NRXN1: variants seen among roughly 807,000 people sequenced by gnomAD.
NRXN1 encodes the protein neurexin 1.
In NRXN1, 39 loss-of-function variants were observed where a neutral mutation model predicts 150.9. The observed-to-expected ratio is 0.26, with a 90% CI of 0.20 to 0.34. NRXN1 has a LOEUF of 0.34. Ranked by LOEUF, NRXN1 falls within the 10% of genes least tolerant of loss-of-function variation. The pLI is 1.00. For synonymous variants in NRXN1, 924 were observed against 757.0 expected, an observed-to-expected ratio of 1.22 and a Z score of -3.62; for missense variants, 1,815 against 1,949.9, an observed-to-expected ratio of 0.93 and a Z score of 1.30.
At chr2:50,237,621 T>A (rs1191002413) in intron 17 of NRXN1, among the ~76,000 whole-genome samples, 2 of 151,808 alleles carry the variant, frequency 1.3e-5, no homozygotes, top group South Asian at 2.1e-4. Context: ...ACCCACATCC[T>A]CTGCCACCCC....
At position 50,928,467 on chromosome 2, in the gene NRXN1, G is replaced by A. The variant is rs142761880; in HGVS notation, c.773-2512C>T. ...AAATCCCTACATTATTTCAGAATTT[G>A]GACGTGATTATAACTGGTGGTAGCT... is the stretch of plus-strand genomic sequence containing the variant. On this transcript the variant is annotated intron_variant, in intron 2 of 22. Transcript: ENST00000401669. Among the ~76,000 whole-genome samples, 44 of 152,032 alleles carry A rather than the reference G, an allele frequency of 2.9e-4. 1 individual carries two copies. The East Asian group carries it at 8.6e-3, about 30-fold the overall frequency.
intron 2 of NRXN1, among the ~76,000 whole-genome samples, chr2:50,954,107 A>G (rs1691874336): frequency 6.6e-6 from 1 of 152,166 alleles, no homozygotes; most frequent in Admixed American, 6.5e-5. Context: ...TAATGAAGTT[A>G]ATCACTACTT....
chr2:50,163,367 G>A (rs770872423), intron 18 of NRXN1, among the ~76,000 whole-genome samples: 32 of 151,846 alleles, frequency 2.1e-4, no homozygotes, highest in African/African-American at 3.1e-4. Flanking sequence ...TAAATTACCC[G>A]CGCAAAACAA....
intron 18 of NRXN1, among the ~76,000 whole-genome samples, chr2:50,186,341 TA>T (rs2061070043): frequency 6.6e-6 from 1 of 152,088 alleles, no homozygotes; most frequent in Non-Finnish European, 1.5e-5. Flanking sequence ...CTAAAGCTTG[TA>T]AATTGTCAAA....
chr2:50,529,329 T>A (rs2093038666), intron 11 of NRXN1, among the ~76,000 whole-genome samples: 2 of 152,278 alleles, frequency 1.3e-5, no homozygotes, highest in South Asian at 4.1e-4. Context: ...AGCCTATGCC[T>A]CTCTTAGGAG....
chr2:50,239,458 A>C (rs76453065), intron 17 of NRXN1, among the ~76,000 whole-genome samples: 2,695 of 146,782 alleles, frequency 0.018, 71 homozygotes, highest in African/African-American at 0.064. Flanking sequence ...ATTATAAAAC[A>C]ACATTGCATA....
At chr2:50,101,964 T>C (rs1287878441) in intron 18 of NRXN1, among the ~76,000 whole-genome samples, 1 of 152,014 alleles carries the variant, frequency 6.6e-6, no homozygotes, top group Non-Finnish European at 1.5e-5. Context: ...CTCTTTCTTA[T>C]TGACTTCTAG....
At chr2:50,724,294 A>G (rs1464651637) in intron 5 of NRXN1, among the ~76,000 whole-genome samples, 2 of 152,188 alleles carry the variant, frequency 1.3e-5, no homozygotes, top group Non-Finnish European at 2.9e-5. Context: ...AAGATGATGA[A>G]ATATTCCTGG....
intron 15 of NRXN1, among the ~76,000 whole-genome samples, chr2:50,494,095 A>T (rs920605714): frequency 3.9e-5 from 6 of 152,208 alleles, no homozygotes; most frequent in Admixed American, 3.9e-4. Context: ...TTAATGAAAA[A>T]TAAGCAGATA....
At chr2:50,050,680 A>G (rs1692575552) in intron 21 of NRXN1, among the ~76,000 whole-genome samples, 1 of 152,054 alleles carries the variant, frequency 6.6e-6, no homozygotes, top group Admixed American at 6.6e-5. Flanking sequence ...CCTGGTTTAA[A>G]TATTACTGTA....
At chr2:50,966,567 C>T (rs1403164158) in intron 2 of NRXN1, among the ~76,000 whole-genome samples, 1 of 151,652 alleles carries the variant, frequency 6.6e-6, no homozygotes, top group Non-Finnish European at 1.5e-5. Context: ...ATTAGAAAGG[C>T]ATTCTACACT....
chr2:50,433,327 T>A (rs2085137275), intron 17 of NRXN1, among the ~76,000 whole-genome samples: 1 of 152,222 alleles, frequency 6.6e-6, no homozygotes, highest in Non-Finnish European at 1.5e-5. Context: ...TCAATAAACA[T>A]TTCTTGAAAT....
intron 5 of NRXN1, among the ~76,000 whole-genome samples, chr2:50,766,036 A>C (rs1032568788): frequency 2.6e-5 from 4 of 152,196 alleles, no homozygotes; most frequent in Admixed American, 6.6e-5. Context: ...ATTAGAGCTC[A>C]TGTACTACAA....
chr2:49,943,859 T>C (rs943107983), intron 21 of NRXN1, 68 bp from the exon 22 acceptor site: 70 of 1,133,436 alleles, frequency 6.2e-5, no homozygotes, highest in Non-Finnish European at 8.7e-5. Flanking sequence ...CTTTGTCTCA[T>C]TGACAAGTGA....
chr2:50,609,310 G>A (rs186236201), intron 8 of NRXN1, among the ~76,000 whole-genome samples: 48 of 152,200 alleles, frequency 3.2e-4, no homozygotes, highest in African/African-American at 1.1e-3. Context: ...AAGTTATTAA[G>A]AATTTCAAGA....
intron 12 of NRXN1, among the ~76,000 whole-genome samples, chr2:50,512,375 A>G (rs72880028): frequency 1.3e-5 from 2 of 152,184 alleles, no homozygotes; most frequent in Non-Finnish European, 2.9e-5. Context: ...TATATAGTCA[A>G]ATTTTAATGG....
intron 5 of NRXN1, chr2:50,917,827 A>C (rs1292677162): frequency 6.6e-6 from 1 of 151,638 alleles, no homozygotes; most frequent in East Asian, 1.9e-4. Flanking sequence ...TTTATATAGA[A>C]GCCCAAATGG....
At chr2:50,096,586 T>C (rs1462251492) in intron 18 of NRXN1, among the ~76,000 whole-genome samples, 1 of 152,232 alleles carries the variant, frequency 6.6e-6, no homozygotes, top group African/African-American at 2.4e-5. Context: ...TTGATCTCCC[T>C]GTACTGTATA....
chr2:50,301,016 G>A (rs562382906), intron 17 of NRXN1, among the ~76,000 whole-genome samples: 1 of 152,124 alleles, frequency 6.6e-6, no homozygotes, highest in East Asian at 1.9e-4. Context: ...CTTTGACCAA[G>A]CAGATAAGGA....
Sources: gnomAD v4.1 joint callset for allele counts (sites outside exome capture counted in the v4.1 genomes callset) on GRCh38, gnomAD v4.1.1 for gene constraint, MANE v1.5 for transcripts, NCBI Gene and HGNC (gene_info 2026-07-23, HGNC 2026-07-21) for gene names.